The following PCSK6 variants were observed in gnomAD, a reference collection of about 807,000 sequenced individuals.
PCSK6 encodes paired basic amino acid cleaving enzyme 4.
A neutral mutation model predicts 123.3 loss-of-function variants in PCSK6; 85 were observed. That is an observed-to-expected ratio of 0.69 (90% CI 0.58 to 0.83). The LOEUF (loss-of-function observed/expected upper bound fraction) is 0.83. PCSK6 is among the 40% of genes least tolerant of loss of function. PCSK6 has a pLI of 0.00. For synonymous variants in PCSK6, 508 were observed against 516.0 expected (o/e 0.98, Z 0.21); for missense variants, 1,191 against 1,282.3 (o/e 0.93, Z 1.09).
chr15:101,487,154 G>A (rs1418692825), intron 1 of PCSK6, among the ~76,000 whole-genome samples: 1 of 152,216 alleles, frequency 6.6e-6, no homozygotes, highest in Non-Finnish European at 1.5e-5. Flanking sequence ...ACTTAGAGGG[G>A]GGAAAGAAAA....
At position 101,459,198 on chromosome 15, in the gene PCSK6, T is replaced by C. The variant is rs547625312; in HGVS notation, c.298-15538A>G. Among the ~76,000 whole-genome samples, 81 of 152,306 alleles carry C rather than the reference T, an allele frequency of 5.3e-4. No individual in the cohort carries two copies. The South Asian group carries it at 0.011, about 20-fold the overall frequency. On this transcript the variant is annotated intron_variant, in intron 1 of 21. Transcript: ENST00000611716. ...ACAAGGGAGAAACTCCTCTGCACCT[T>C]TGGTGCTTCCTCACACACCCTTGGC...
chr15:101,429,119 C>T (rs539760882), intron 5 of PCSK6, among the ~76,000 whole-genome samples: 7 of 152,288 alleles, frequency 4.6e-5, no homozygotes, highest in South Asian at 2.1e-4. Flanking sequence ...AATCGGGAGA[C>T]GCCCCTCAGC....
intron 6 of PCSK6, among the ~76,000 whole-genome samples, chr15:101,409,540 G>A (rs566226199): frequency 1.3e-3 from 196 of 147,322 alleles, no homozygotes; most frequent in Non-Finnish European, 2.2e-3. Context: ...AGCCGAGATC[G>A]TGCCACTGCA....
At chr15:101,463,042 C>T (rs755148211) in intron 1 of PCSK6, 13 of 461,978 alleles carry the variant, frequency 2.8e-5, no homozygotes, top group Admixed American at 6.9e-5. Context: ...GGTGAGAGTT[C>T]GCTGCCAAAA....
chr15:101,479,463 TCACCAGGACACTCACCACCA>T (rs2057815009), intron 1 of PCSK6, among the ~76,000 whole-genome samples: 1 of 152,082 alleles, frequency 6.6e-6, no homozygotes, highest in African/African-American at 2.4e-5. Flanking sequence ...AGTGAGGCAG[TCACCAGGACACTCACCACCA>T]GTGAGAGTAT....
chr15:101,467,619 C>T (rs2057495614), intron 1 of PCSK6, among the ~76,000 whole-genome samples: 1 of 152,192 alleles, frequency 6.6e-6, no homozygotes, highest in Non-Finnish European at 1.5e-5. Flanking sequence ...GGAGAATGGA[C>T]AGATACATTG....
chr15:101,487,231 C>T (rs1393927568), intron 1 of PCSK6, among the ~76,000 whole-genome samples: 2 of 152,228 alleles, frequency 1.3e-5, no homozygotes, highest in African/African-American at 2.4e-5. Flanking sequence ...TGAGACAGCT[C>T]CTATCCCCAA....
At chr15:101,329,086 G>C (rs2141367113) in intron 15 of PCSK6, among the ~76,000 whole-genome samples, 1 of 152,288 alleles carries the variant, frequency 6.6e-6, no homozygotes, top group South Asian at 2.1e-4. Context: ...ACTCCTAGCA[G>C]GGGTCTCTTC....
In PCSK6 at chr15:101,323,997, G is replaced by A. The variant is rs573114676; in HGVS notation, c.2377+853C>T. On this transcript the variant is annotated intron_variant, in intron 17 of 21. Coordinates refer to ENST00000611716, the MANE Select transcript of PCSK6 (RefSeq NM_002570.5). Reference sequence around the variant, plus strand: ...GCCCTGCTTTTGTGTCTCCCAGGGCGAGGCGAATTACGAAAACATGGCATG... The same window carrying A: ...GCCCTGCTTTTGTGTCTCCCAGGGCAAGGCGAATTACGAAAACATGGCATG... Among the ~76,000 whole-genome samples, 9 of 152,290 alleles carry A rather than the reference G, an allele frequency of 5.9e-5. No homozygotes were observed. In the South Asian group the frequency reaches 6.2e-4, roughly 11 times the overall value.
intron 12 of PCSK6, among the ~76,000 whole-genome samples, chr15:101,367,952 G>A (rs1045350138): frequency 1.3e-5 from 2 of 152,206 alleles, no homozygotes; most frequent in African/African-American, 4.8e-5. Flanking sequence ...AGCCTCCCAA[G>A]TAGCTGGGAT....
At chr15:101,327,228 G>A (rs2040275781) in intron 15 of PCSK6, among the ~76,000 whole-genome samples, 1 of 152,146 alleles carries the variant, frequency 6.6e-6, no homozygotes, top group South Asian at 2.1e-4. Flanking sequence ...TCTCACTCCG[G>A]AGGCTGGTGT....
At chr15:101,313,705 C>T (rs2039925033) in intron 19 of PCSK6, 200 bp from the exon 20 acceptor site, 1 of 646,512 alleles carries the variant, frequency 1.5e-6, no homozygotes, top group South Asian at 2.1e-5. Flanking sequence ...CACCATTTCA[C>T]AGACGGGGAC....
At chr15:101,351,142 A>C (rs934939762) in intron 13 of PCSK6, among the ~76,000 whole-genome samples, 3 of 152,166 alleles carry the variant, frequency 2.0e-5, no homozygotes, top group African/African-American at 7.2e-5. Flanking sequence ...ACCCGTCTTC[A>C]GTGACGTCAC....
At chr15:101,338,079 C>T (rs2040522811) in intron 13 of PCSK6, among the ~76,000 whole-genome samples, 1 of 152,234 alleles carries the variant, frequency 6.6e-6, no homozygotes, top group African/African-American at 2.4e-5. Flanking sequence ...AACGGCAATG[C>T]CACATGATCC....
chr15:101,333,154 C>CT (rs1390178862), intron 13 of PCSK6, among the ~76,000 whole-genome samples: 15 of 151,912 alleles, frequency 9.9e-5, no homozygotes, highest in Non-Finnish European at 1.6e-4. Context: ...TCTTCTTCTT[C>CT]TTTTTTTTAA....
At chr15:101,488,104 A>T (rs1259738445) in intron 1 of PCSK6, among the ~76,000 whole-genome samples, 2 of 152,122 alleles carry the variant, frequency 1.3e-5, no homozygotes, top group African/African-American at 2.4e-5. Flanking sequence ...GGGGCTTGGG[A>T]TGCAGAACTA....
At chr15:101,332,293 G>A (rs921642850) in intron 13 of PCSK6, among the ~76,000 whole-genome samples, 3 of 152,214 alleles carry the variant, frequency 2.0e-5, no homozygotes, top group African/African-American at 7.2e-5. Context: ...CTGCTGGGAT[G>A]GAGGTCAGCC....
In PCSK6 at chr15:101,443,571, G is replaced by A. The variant is rs1393143090; in HGVS notation, c.387C>T (p.Leu129=). Residue 129 remains leucine (L), a synonymous_variant, in exon 2 of 22, where the codon CTC becomes CTT. Coordinates refer to ENST00000611716, the MANE Select transcript of PCSK6 (RefSeq NM_002570.5). ...CACTCTGTACCTGGGGGTCCATTCT[G>A]AGGAAGGTGTGAGGGCCTCTGCTAC... ...TLSSRGPHTF[L]RMDPQVKWLQ... 5 of 1,613,012 alleles carry A rather than the reference G, an allele frequency of 3.1e-6. No individual in the cohort carries two copies. Among genetic ancestry groups the A allele is most frequent in the Non-Finnish European group, 3.4e-6 (4 of 1,178,990 alleles).
intron 3 of PCSK6, 135 bp from the exon 4 acceptor site, chr15:101,431,598 T>G: frequency 9.6e-7 from 1 of 1,037,866 alleles, no homozygotes; most frequent in South Asian, 1.4e-5. Context: ...CTGCCTTACA[T>G]AGCAGAGCTC....
Sources: gnomAD v4.1 joint callset for allele counts (sites outside exome capture counted in the v4.1 genomes callset) on GRCh38, gnomAD v4.1.1 for gene constraint, MANE v1.5 for transcripts, NCBI Gene and HGNC (gene_info 2026-07-23, HGNC 2026-07-21) for gene names.